The following PCSK6 variants were observed in gnomAD, a reference collection of about 807,000 sequenced individuals.
PCSK6 encodes the protein proprotein convertase subtilisin/kexin type 6.
PCSK6 carries 85 observed loss-of-function variants against 123.3 expected under a neutral mutation model. The observed-to-expected ratio is 0.69, with a 90% CI of 0.58 to 0.83. The LOEUF (loss-of-function observed/expected upper bound fraction) is 0.83. Among genes scored for constraint, PCSK6 ranks in the 40% least tolerant of loss-of-function variants. The pLI is 0.00. For synonymous variants in PCSK6, 508 were observed against 516.0 expected (o/e 0.98, Z 0.21); for missense variants, 1,191 against 1,282.3 (o/e 0.93, Z 1.09).
At chr15:101,445,214 G>A (rs564828178) in intron 1 of PCSK6, among the ~76,000 whole-genome samples, 6 of 152,256 alleles carry the variant, frequency 3.9e-5, no homozygotes, top group East Asian at 3.9e-4. Context: ...TCTCTCTCGG[G>A]CTCCTCCACT....
intron 1 of PCSK6, among the ~76,000 whole-genome samples, chr15:101,484,700 T>G (rs1305252769): frequency 6.6e-6 from 1 of 152,224 alleles, no homozygotes; most frequent in African/African-American, 2.4e-5. Context: ...CTGCTTTGTG[T>G]GTTTCTTAAC....
chr15:101,450,972 G>A lies in PCSK6; in HGVS notation c.298-7312C>T, dbSNP rs576598978. Among the ~76,000 whole-genome samples the A allele has an allele frequency of 5.3e-5, 8 of 151,500 alleles. No homozygotes were observed. The South Asian group carries it at 1.1e-3, about 20-fold the overall frequency. On this transcript the variant is annotated intron_variant, in intron 1 of 21. Coordinates refer to ENST00000611716, the MANE Select transcript of PCSK6 (RefSeq NM_002570.5). ...CGCACCAGCCATGAGAAGAACTCTCGGGCGCAGGTGTGGACAAGCAGAAGC... is the reference window on the plus strand; with the variant it reads ...CGCACCAGCCATGAGAAGAACTCTCAGGCGCAGGTGTGGACAAGCAGAAGC...
chr15:101,429,821 G>A (rs560942153), intron 5 of PCSK6, among the ~76,000 whole-genome samples, 166 bp downstream of exon 5: 1 of 152,376 alleles, frequency 6.6e-6, no homozygotes, highest in East Asian at 1.9e-4. Context: ...CGTGCCTGAA[G>A]GGCTGTGCCT....
intron 6 of PCSK6, among the ~76,000 whole-genome samples, chr15:101,403,805 C>T (rs560120798): frequency 6.1e-4 from 93 of 152,216 alleles, no homozygotes; most frequent in African/African-American, 1.9e-3. Context: ...CTGCAACCTC[C>T]GCCTCCCGGG....
At chr15:101,448,188 G>T (rs1045819305) in intron 1 of PCSK6, among the ~76,000 whole-genome samples, 3 of 152,156 alleles carry the variant, frequency 2.0e-5, no homozygotes, top group African/African-American at 7.2e-5. Context: ...CTGAATACAG[G>T]GTGCTCATGT....
At chr15:101,371,162 G>A (rs1013705732) in intron 11 of PCSK6, among the ~76,000 whole-genome samples, 1 of 152,116 alleles carries the variant, frequency 6.6e-6, no homozygotes, top group African/African-American at 2.4e-5. Flanking sequence ...AGCCGAGGTC[G>A]CACCACTGCA....
Position 101,326,462 on chromosome 15 carries a change from A to G in PCSK6, c.2095T>C (p.Cys699Arg). ...ILQTSVCHPE[C>R]GDKGCDGPNA... The stretch of plus-strand genomic sequence containing the variant: ...GGGCCATCACAGCCTTTGTCACCAC[A>G]CTCCGGATGGCACACACCTTAAAGA... Residue 699 changes from cysteine to arginine, a missense_variant, in exon 16 of 22, where the codon TGT becomes CGT. This residue lies in a region of PCSK6 where 630 missense variants were observed against 631.4 expected (regional missense o/e 1.00). Transcript: ENST00000611716. 6.3e-7 allele frequency: 1 copy of G among 1,581,244 alleles called. No homozygotes were observed. The highest frequency in any genetic ancestry group is 2.3e-5 in the East Asian group (1 of 43,096).
chr15:101,331,707 G>A lies in PCSK6; in HGVS notation c.2039-18C>T. ...GGATTGAGCTGTGTGAGTGCAAATT[G>A]CCATGATTATTATGACTCCCAGGCA... On this transcript the variant is annotated intron_variant, in intron 14 of 21. Coordinates refer to ENST00000611716, the MANE Select transcript of PCSK6 (RefSeq NM_002570.5). The A allele has an allele frequency of 6.2e-7, 1 of 1,607,784 alleles. No homozygotes were observed. Among genetic ancestry groups the A allele is most frequent in the Non-Finnish European group, 8.5e-7 (1 of 1,178,214 alleles).
At chr15:101,434,281 C>A (rs998915302) in intron 2 of PCSK6, among the ~76,000 whole-genome samples, 9 of 152,220 alleles carry the variant, frequency 5.9e-5, no homozygotes, top group Non-Finnish European at 1.3e-4. Flanking sequence ...CCAGGCTGAG[C>A]CCTGTTTGTG....
chr15:101,483,552 C>G (rs994197711), intron 1 of PCSK6, among the ~76,000 whole-genome samples: 2 of 152,188 alleles, frequency 1.3e-5, no homozygotes, highest in African/African-American at 4.8e-5. Flanking sequence ...GCATGGCATC[C>G]AAGAACCACC....
At chr15:101,420,654 T>C (rs1272386118) in intron 6 of PCSK6, among the ~76,000 whole-genome samples, 2 of 152,210 alleles carry the variant, frequency 1.3e-5, no homozygotes, top group African/African-American at 2.4e-5. Flanking sequence ...TGAACCACTA[T>C]GCCCAGCCCA....
At chr15:101,424,175 C>G (rs1311730018) in intron 6 of PCSK6, among the ~76,000 whole-genome samples, 2 of 150,886 alleles carry the variant, frequency 1.3e-5, no homozygotes, top group Non-Finnish European at 2.9e-5. Flanking sequence ...TTTAAGGCTG[C>G]AGTGAGCTAT....
Position 101,356,277 on chromosome 15 carries a change from G to A in PCSK6, c.1858+9919C>T, listed in dbSNP as rs2041037865. On this transcript the variant is annotated intron_variant, in intron 13 of 21. Coordinates refer to ENST00000611716, the MANE Select transcript of PCSK6 (RefSeq NM_002570.5). ...GGCTGGAGTAGCAAGCTCACCCACG[G>A]TGGAAGCTGCCCCCTCTTCCACACC... Among the ~76,000 whole-genome samples the A allele has an allele frequency of 2.0e-5, 3 of 152,114 alleles. No individual in the cohort carries two copies. The South Asian group carries it at 6.2e-4, about 32-fold the overall frequency.
rs1567132456 is a variant in PCSK6 at position 101,305,825 on chromosome 15, CCCTTGAAGCCCCTCTCCTGCAA to C, written c.2813-492_2813-471del. On this transcript the variant is annotated intron_variant, in intron 21 of 21. Transcript: ENST00000611716. This position sits in a 1 kb window ranked among gnomAD's most constrained non-coding sequence, Gnocchi z 4.8. ...ACAGAGGTGGGCAGCAGGATGGCAG[CCCTTGAAGCCCCTCTCCTGCAA>C]TGCACTTGACTCTGGGAGCCCTGTG... 1 of 156,508 alleles carries C rather than the reference CCCTTGAAGCCCCTCTCCTGCAA, an allele frequency of 6.4e-6. No homozygotes were observed. Among genetic ancestry groups the C allele is most frequent in the African/African-American group, 2.4e-5 (1 of 41,492 alleles). The allele number at this position is 156,508 out of a possible 1,614,324, so 9.7% of individuals were successfully genotyped here. A position where few individuals can be genotyped will look rare whatever the true frequency, so the allele number is the denominator to read the frequency against.
rs148875071 is a variant in PCSK6, at chr15:101,324,941, C to T, written c.2286G>A (p.Thr762=). Residue 762 remains threonine, a synonymous_variant, in exon 17 of 22, where the codon ACG becomes ACA. Coordinates refer to ENST00000611716, the MANE Select transcript of PCSK6 (RefSeq NM_002570.5). ...GCETCSSRAA[T]QCLSCRRGFY... ...ACCCGCGGCGGCAAGACAGGCACTG[C>T]GTCGCAGCTCTGCTGGAGCAGGTCT... The T allele has an allele frequency of 7.9e-5, 128 of 1,613,430 alleles. No homozygotes were observed. The African/African-American group carries it at 1.4e-3, about 18-fold the overall frequency.
intron 6 of PCSK6, 142 bp downstream of exon 6, chr15:101,427,750 C>A (rs530410188): frequency 4.9e-6 from 3 of 616,454 alleles, no homozygotes; most frequent in Non-Finnish European, 5.7e-6. Context: ...ATGATACAGA[C>A]GGCACTGCTG....
Position 101,318,362 on chromosome 15 carries a change from C to A in PCSK6, c.2526G>T (p.Leu842=). The A allele has an allele frequency of 1.9e-6, 3 of 1,566,356 alleles. No individual in the cohort carries two copies. The highest frequency in any genetic ancestry group is 2.6e-6 in the Non-Finnish European group (3 of 1,155,518). ...TGTGATGGCATTCCCCACATCTGAT[C>A]AGCTCTGAGTCAAAGTAGGTGCCTG... ...CEPGTYFDSE[L]IRCGECHHTC... Residue 842 remains leucine (L), a synonymous_variant, in exon 19 of 22, where the codon CTG becomes CTT. Transcript: ENST00000611716.
At chr15:101,347,033 T>C (rs769468130) in intron 13 of PCSK6, 4 of 1,231,748 alleles carry the variant, frequency 3.2e-6, no homozygotes, top group Non-Finnish European at 3.0e-6. Flanking sequence ...AAAATGGAAC[T>C]TTTTGACAAC....
At position 101,427,955 on chromosome 15, in the gene PCSK6, C is replaced by CTTCTCCCGCACAACGAG; in HGVS notation, c.743_759dup (p.Val254LeufsTer20). On this transcript the variant is annotated frameshift_variant, in exon 6 of 22. Coordinates refer to ENST00000611716, the MANE Select transcript of PCSK6 (RefSeq NM_002570.5). LOFTEE classifies it high-confidence loss of function. ...TAGGAATTGTTTGCTGAAGCAGCAA[C>CTTCTCCCGCACAACGAG]TTCTCCCGCACAACGAGTGCCGTGT... is the stretch of plus-strand genomic sequence containing the variant. The CTTCTCCCGCACAACGAG allele has an allele frequency of 6.3e-7, 1 of 1,584,860 alleles. No individual in the cohort carries two copies. The highest frequency in any genetic ancestry group is 8.6e-7 in the Non-Finnish European group (1 of 1,165,098).
Sources: gnomAD v4.1 joint callset for allele counts (sites outside exome capture counted in the v4.1 genomes callset) on GRCh38, gnomAD v4.1.1 for gene constraint, gnomAD v4.1.1 regional missense constraint, Gnocchi (gnomAD v3.1) non-coding constraint, MANE v1.5 for transcripts, NCBI Gene and HGNC (gene_info 2026-07-23, HGNC 2026-07-21) for gene names.